CREB5: variants seen among roughly 807,000 people sequenced by gnomAD.
The protein encoded by CREB5 is cAMP responsive element binding protein 5, also known as cyclic AMP-responsive element-binding protein 5.
A neutral mutation model predicts 57.1 loss-of-function variants in CREB5; 19 were observed. That is an observed-to-expected ratio of 0.33 (90% CI 0.23 to 0.49). The LOEUF (loss-of-function observed/expected upper bound fraction) is 0.49. Among genes scored for constraint, CREB5 ranks in the 20% least tolerant of loss-of-function variants. The probability of loss-of-function intolerance (pLI) is 0.99; values close to 1 mark genes in which losing one functional copy is unlikely to be tolerated. For synonymous variants in CREB5, 238 were observed against 238.3 expected, an observed-to-expected ratio of 1.00 and a Z score of 0.01; for missense variants, 579 against 671.6, an observed-to-expected ratio of 0.86 and a Z score of 1.52.
intron 5 of CREB5, among the ~76,000 whole-genome samples, chr7:28,610,416 G>C (rs1179238646): frequency 6.6e-6 from 1 of 152,102 alleles, no homozygotes; most frequent in African/African-American, 2.4e-5. Context: ...GCTGTGTAAA[G>C]GCAGCTACAT....
intron 5 of CREB5, among the ~76,000 whole-genome samples, chr7:28,611,258 C>G (rs190696863): frequency 2.2e-3 from 336 of 151,926 alleles, no homozygotes; most frequent in Non-Finnish European, 1.7e-3. Flanking sequence ...GTAAATCGCA[C>G]CCCTGTATTA....
intron 1 of CREB5, among the ~76,000 whole-genome samples, chr7:28,329,886 A>G (rs1443656672): frequency 2.6e-5 from 4 of 152,218 alleles, no homozygotes; most frequent in African/African-American, 9.6e-5. Context: ...ACCAAACCAA[A>G]CAATTCCAAT....
chr7:28,302,690 C>T (rs1022534413), intron 1 of CREB5, among the ~76,000 whole-genome samples: 29 of 152,208 alleles, frequency 1.9e-4, no homozygotes, highest in African/African-American at 6.3e-4. Context: ...AGCTTGTGCA[C>T]GCCCGCTTTC....
chr7:28,602,166 G>A (rs926147008), intron 5 of CREB5, among the ~76,000 whole-genome samples: 5 of 151,802 alleles, frequency 3.3e-5, no homozygotes, highest in Admixed American at 6.6e-5. Context: ...TCACTCTGTC[G>A]CCCAGGCTGG....
chr7:28,561,879 G>T (rs1177858464), intron 4 of CREB5, among the ~76,000 whole-genome samples: 1 of 152,126 alleles, frequency 6.6e-6, no homozygotes, highest in South Asian at 2.1e-4. Flanking sequence ...CAAGTAGCTG[G>T]GATTACAGGC....
intron 1 of CREB5, among the ~76,000 whole-genome samples, chr7:28,453,381 G>A (rs1789924922): frequency 6.6e-6 from 1 of 152,194 alleles, no homozygotes; most frequent in Non-Finnish European, 1.5e-5. Context: ...AGAGGCTGCT[G>A]TGAGCCATGA....
At chr7:28,327,509 C>T (rs150226834) in intron 1 of CREB5, among the ~76,000 whole-genome samples, 141 of 152,302 alleles carry the variant, frequency 9.3e-4, no homozygotes, top group African/African-American at 3.2e-3. Flanking sequence ...AATTAAAATT[C>T]ATTTATATAA....
chr7:28,377,575 C>T lies in CREB5; in HGVS notation c.-25+78134C>T, dbSNP rs1308467681. Among the ~76,000 whole-genome samples, 4 of 151,792 alleles carry T rather than the reference C, an allele frequency of 2.6e-5. No individual in the cohort carries two copies. In the East Asian group the frequency reaches 7.7e-4, roughly 29 times the overall value. On this transcript the variant is annotated intron_variant, in intron 1 of 9. Coordinates refer to the CREB5 transcript ENST00000396299. ...AGACTGCTATCGTTTTTCCCTCAAA[C>T]ATTTTTAAAGGGTAGACTTCTCAGG... is the stretch of plus-strand genomic sequence containing the variant.
At chr7:28,793,639 G>T (rs994103050) in intron 7 of CREB5, among the ~76,000 whole-genome samples, 1 of 152,204 alleles carries the variant, frequency 6.6e-6, no homozygotes, top group East Asian at 1.9e-4. Context: ...TCCATCAAGC[G>T]AGCCGAGCAC....
chr7:28,471,918 A>G (rs1404509258), intron 1 of CREB5, among the ~76,000 whole-genome samples: 2 of 152,118 alleles, frequency 1.3e-5, no homozygotes, highest in Admixed American at 6.6e-5. Flanking sequence ...CATTTCTTAC[A>G]TATAAAATCA....
chr7:28,415,308 T>A (rs993586650), intron 1 of CREB5, among the ~76,000 whole-genome samples: 1 of 152,158 alleles, frequency 6.6e-6, no homozygotes, highest in Non-Finnish European at 1.5e-5. Context: ...AAGAGACCCC[T>A]GGCTCACCCA....
intron 7 of CREB5, among the ~76,000 whole-genome samples, chr7:28,763,311 T>C (rs945784570): frequency 3.3e-5 from 5 of 152,222 alleles, no homozygotes; most frequent in Non-Finnish European, 7.3e-5. Context: ...CACAAGTGCC[T>C]GTTTCTTTTT....
At chr7:28,367,572 A>G (rs4294100) in intron 1 of CREB5, among the ~76,000 whole-genome samples, 78,996 of 151,746 alleles carry the variant, frequency 0.52, 20,967 homozygotes, top group Non-Finnish European at 0.59. Context: ...CACTTTGGGA[A>G]GCCGAGGCGG....
At position 28,820,314 on chromosome 7, in the gene CREB5, A is replaced by G. The variant is rs973245253; in HGVS notation, c.*1035A>G. 1.3e-5 allele frequency: 2 copies of G among 152,638 alleles called. No homozygotes were observed. The highest frequency in any genetic ancestry group is 2.4e-5 in the African/African-American group (1 of 41,452). The allele number at this position is 152,638 out of a possible 1,614,324, so 9.5% of individuals were successfully genotyped here. A position where few individuals can be genotyped will look rare whatever the true frequency, so the allele number is the denominator to read the frequency against. On this transcript the variant is annotated 3_prime_UTR_variant, in exon 11 of 11. Coordinates refer to ENST00000357727, the MANE Select transcript of CREB5 (RefSeq NM_182898.4). ...GCGACTGGTTTTATACGGCCTGCCT[A>G]TAACGTTGAAAATCCATGTACTACA... is the stretch of plus-strand genomic sequence containing the variant.
chr7:28,306,215 A>G (rs1785178267), intron 1 of CREB5, among the ~76,000 whole-genome samples: 2 of 152,172 alleles, frequency 1.3e-5, no homozygotes, highest in Admixed American at 1.3e-4. Context: ...TGAAACTAAT[A>G]CTAGTTGTAA....
At chr7:28,493,508 A>G (rs1791893800) in intron 2 of CREB5, among the ~76,000 whole-genome samples, 1 of 152,232 alleles carries the variant, frequency 6.6e-6, no homozygotes, top group Admixed American at 6.5e-5. Context: ...AATGCTTTTC[A>G]TAATGCCTCA....
chr7:28,823,143 C>G lies in CREB5; in HGVS notation c.*3864C>G, dbSNP rs1809877782. The G allele has an allele frequency of 6.6e-6, 1 of 152,502 alleles. No homozygotes were observed. Among genetic ancestry groups the G allele is most frequent in the Non-Finnish European group, 1.5e-5 (1 of 68,010 alleles). The allele number at this position is 152,502 out of a possible 1,614,324, so 9.4% of individuals were successfully genotyped here. ...TAAACCAGCTGCGGTAACAGACAAG[C>G]CTTTGGCTGGGGAGTTTTAAGCCTC... is the stretch of plus-strand genomic sequence containing the variant. On this transcript the variant is annotated 3_prime_UTR_variant, in exon 11 of 11. Coordinates refer to ENST00000357727, the MANE Select transcript of CREB5 (RefSeq NM_182898.4).
At chr7:28,718,185 G>A (rs1802809067) in intron 5 of CREB5, among the ~76,000 whole-genome samples, 1 of 152,238 alleles carries the variant, frequency 6.6e-6, no homozygotes, top group African/African-American at 2.4e-5. Flanking sequence ...CAGCTGTGCT[G>A]CCGCACCAGG....
chr7:28,445,696 C>T (rs577054278), intron 1 of CREB5, among the ~76,000 whole-genome samples: 24 of 152,146 alleles, frequency 1.6e-4, no homozygotes, highest in Non-Finnish European at 2.2e-4. Context: ...GGACTACAGG[C>T]GCCCGCCACC....
Sources: gnomAD v4.1 joint callset for allele counts (sites outside exome capture counted in the v4.1 genomes callset) on GRCh38, gnomAD v4.1.1 for gene constraint, MANE v1.5 for transcripts, NCBI Gene and HGNC (gene_info 2026-07-23, HGNC 2026-07-21) for gene names.